Variants in SLC25A21 observed in about 807,000 individuals in gnomAD.
SLC25A21 encodes the protein solute carrier family 25 member 21, also known as mitochondrial 2-oxodicarboxylate carrier.
In SLC25A21, 47 loss-of-function variants were observed where a neutral mutation model predicts 43.8. The ratio of observed to expected loss-of-function variants is 1.07; its 90% CI spans 0.85 to 1.37. The LOEUF (loss-of-function observed/expected upper bound fraction) is 1.37. SLC25A21 is among the 40% of genes most tolerant of loss of function. The pLI is 0.00. For missense variants in SLC25A21, 352 were observed against 350.2 expected (o/e 1.00, Z -0.04); for synonymous variants, 131 against 121.3 (o/e 1.08, Z -0.52).
chr14:36,687,892 A>G (rs761693462), intron 7 of SLC25A21, among the ~76,000 whole-genome samples: 12 of 152,224 alleles, frequency 7.9e-5, no homozygotes, highest in Non-Finnish European at 1.0e-4. Context: ...AGAAAAACAG[A>G]TCTGCTTTTG....
At chr14:37,014,406 A>G (rs1467743078) in intron 1 of SLC25A21, among the ~76,000 whole-genome samples, 1 of 152,118 alleles carries the variant, frequency 6.6e-6, no homozygotes, top group Non-Finnish European at 1.5e-5. Flanking sequence ...AGCAGATTCC[A>G]TCTCAAGAAA....
At chr14:36,799,754 A>G (rs150385322) in intron 3 of SLC25A21, among the ~76,000 whole-genome samples, 28 of 152,314 alleles carry the variant, frequency 1.8e-4, no homozygotes, top group African/African-American at 6.5e-4. Flanking sequence ...CTGACTCATC[A>G]ATAAAATAGG....
chr14:36,968,610 T>C (rs1386267081), intron 1 of SLC25A21, among the ~76,000 whole-genome samples: 1 of 152,170 alleles, frequency 6.6e-6, no homozygotes, highest in East Asian at 1.9e-4. Flanking sequence ...CTGCCCACAG[T>C]AAATTTCACT....
At chr14:37,154,467 AAATC>A (rs201310556) in intron 1 of SLC25A21, among the ~76,000 whole-genome samples, 7 of 142,410 alleles carry the variant, frequency 4.9e-5, no homozygotes, top group African/African-American at 1.6e-4. Flanking sequence ...ACATAAAAAA[AAATC>A]AATGAAATAT....
chr14:36,923,215 G>C (rs1334270521), intron 1 of SLC25A21, among the ~76,000 whole-genome samples: 1 of 152,124 alleles, frequency 6.6e-6, no homozygotes, highest in African/African-American at 2.4e-5. Context: ...TCTTAATGTA[G>C]CTATCCACGC....
intron 1 of SLC25A21, among the ~76,000 whole-genome samples, chr14:37,156,071 A>G (rs1963843222): frequency 6.6e-6 from 1 of 151,800 alleles, no homozygotes; most frequent in South Asian, 2.1e-4. Flanking sequence ...ATGCAGGAGA[A>G]TCACTTGAAC....
chr14:36,801,024 G>A (rs930182381), intron 3 of SLC25A21, among the ~76,000 whole-genome samples: 3 of 152,190 alleles, frequency 2.0e-5, no homozygotes, highest in South Asian at 2.1e-4. Context: ...TTTAGGCTTC[G>A]TTAGGGAGAA....
chr14:37,122,229 G>A (rs183775370), intron 1 of SLC25A21, among the ~76,000 whole-genome samples: 3 of 152,140 alleles, frequency 2.0e-5, no homozygotes, highest in Admixed American at 6.6e-5. Flanking sequence ...ACTCTTTAAC[G>A]TTTTTCAGTG....
At position 36,818,467 on chromosome 14, in the gene SLC25A21, T is replaced by C. The variant is rs114025239; in HGVS notation, c.120-4466A>G. ...GTGTTGCATGAGCAATGCAAAAGGA[T>C]GGGCAGGCATGGTAACTGCTAATGC... On this transcript the variant is annotated intron_variant, in intron 2 of 9. Transcript: ENST00000331299. 8.0e-3 allele frequency among the ~76,000 whole-genome samples: 1,211 copies of C among 152,272 alleles called. 11 individuals carry two copies. The highest frequency in any genetic ancestry group is 0.028 in the African/African-American group (1,157 of 41,556).
At chr14:36,685,433 C>T (rs1043519280) in intron 7 of SLC25A21, among the ~76,000 whole-genome samples, 1 of 152,170 alleles carries the variant, frequency 6.6e-6, no homozygotes, top group Admixed American at 6.5e-5. Flanking sequence ...TTTATTTTCA[C>T]GTGTAGCTGA....
intron 2 of SLC25A21, among the ~76,000 whole-genome samples, chr14:36,816,515 T>TG (rs1491327593): frequency 3.3e-4 from 48 of 144,414 alleles, no homozygotes; most frequent in African/African-American, 1.2e-3. Flanking sequence ...TTTTTTTTTT[T>TG]GAGACAGGGT....
intron 7 of SLC25A21, among the ~76,000 whole-genome samples, chr14:36,685,364 T>C (rs1475770249): frequency 3.9e-5 from 6 of 152,232 alleles, no homozygotes; most frequent in African/African-American, 1.2e-4. Context: ...GACCCCCAAA[T>C]GTTAAATTAA....
At chr14:36,818,004 T>C (rs1888511761) in intron 2 of SLC25A21, among the ~76,000 whole-genome samples, 1 of 152,220 alleles carries the variant, frequency 6.6e-6, no homozygotes, top group Non-Finnish European at 1.5e-5. Context: ...CTATTTATTA[T>C]ACACTCTACT....
At chr14:36,857,397 C>T (rs536103452) in intron 2 of SLC25A21, among the ~76,000 whole-genome samples, 21 of 152,258 alleles carry the variant, frequency 1.4e-4, no homozygotes, top group South Asian at 4.1e-4. Flanking sequence ...ACTGACTGCC[C>T]GGCTGAGAGG....
chr14:36,876,093 A>G (rs1467136698), intron 1 of SLC25A21, among the ~76,000 whole-genome samples: 1 of 152,206 alleles, frequency 6.6e-6, no homozygotes, highest in East Asian at 1.9e-4. Flanking sequence ...CAAAGGCCAT[A>G]CAACAGTATT....
chr14:36,765,306 C>T (rs1258291236), intron 3 of SLC25A21, among the ~76,000 whole-genome samples: 2 of 152,206 alleles, frequency 1.3e-5, no homozygotes, highest in East Asian at 1.9e-4. Flanking sequence ...AAAGAGACCA[C>T]ATTGGAAGTG....
rs1208838523 is a variant in SLC25A21 at position 36,935,044 on chromosome 14, T to C, written c.71-60040A>G. Among the ~76,000 whole-genome samples the C allele has an allele frequency of 2.6e-5, 4 of 152,178 alleles. No individual in the cohort carries two copies. The East Asian group carries it at 5.8e-4, about 22-fold the overall frequency. On this transcript the variant is annotated intron_variant, in intron 1 of 9. Transcript: ENST00000331299. Reference sequence around the variant, plus strand: ...ACCAGGCAACTGAAACTCCACTCTTTCAAATGGAGAAGATAACTCAAAATA... The same window carrying C: ...ACCAGGCAACTGAAACTCCACTCTTCCAAATGGAGAAGATAACTCAAAATA...
chr14:37,141,927 G>C (rs918930935), intron 1 of SLC25A21, among the ~76,000 whole-genome samples: 1 of 152,146 alleles, frequency 6.6e-6, no homozygotes, highest in African/African-American at 2.4e-5. Flanking sequence ...AAAAAATGCT[G>C]ATTCCTGGGT....
chr14:36,873,032 T>C (rs1890419056), intron 2 of SLC25A21, among the ~76,000 whole-genome samples: 2 of 152,200 alleles, frequency 1.3e-5, no homozygotes, highest in Admixed American at 6.5e-5. Context: ...TGTGTCTTGA[T>C]TAAATCATTC....
Sources: allele counts gnomAD v4.1 joint callset (sites outside exome capture counted in the v4.1 genomes callset), GRCh38; gene constraint gnomAD v4.1.1; transcripts MANE v1.5; gene names NCBI Gene and HGNC (gene_info 2026-07-23, HGNC 2026-07-21).